The following SH3RF3 variants were observed in gnomAD, a reference collection of about 807,000 sequenced individuals.
SH3RF3 encodes SH3 domain containing ring finger 3, also known as E3 ubiquitin-protein ligase SH3RF3.
In SH3RF3, 29 loss-of-function variants were observed where a neutral mutation model predicts 66.3. The observed-to-expected ratio is 0.44, with a 90% CI of 0.33 to 0.60. The LOEUF (loss-of-function observed/expected upper bound fraction) is 0.60, where lower values mean the gene tolerates loss of function less well. Ranked by LOEUF, SH3RF3 falls within the 20% of genes least tolerant of loss-of-function variation. SH3RF3 has a pLI of 0.04. For synonymous variants in SH3RF3, 583 were observed against 532.0 expected, an observed-to-expected ratio of 1.10 and a Z score of -1.32; for missense variants, 1,194 against 1,190.9, an observed-to-expected ratio of 1.00 and a Z score of -0.04.
intron 1 of SH3RF3, among the ~76,000 whole-genome samples, chr2:109,254,534 T>C (rs2105270200): frequency 6.6e-6 from 1 of 152,308 alleles, no homozygotes; most frequent in East Asian, 1.9e-4. Flanking sequence ...TGTACCTGGG[T>C]CTGGCAATAC....
chr2:109,151,914 A>G (rs986182970), intron 1 of SH3RF3, among the ~76,000 whole-genome samples: 10 of 152,390 alleles, frequency 6.6e-5, no homozygotes, highest in Middle Eastern at 3.4e-3. Context: ...TTTTGGTTTG[A>G]AGTTAATATA....
At chr2:109,143,510 A>G (rs1181927118) in intron 1 of SH3RF3, among the ~76,000 whole-genome samples, 1 of 152,184 alleles carries the variant, frequency 6.6e-6, no homozygotes, top group Non-Finnish European at 1.5e-5. Context: ...TAGGAGGTCA[A>G]GACAGGAAGA....
chr2:109,475,337 C>T (rs534001128), intron 8 of SH3RF3, among the ~76,000 whole-genome samples: 3 of 152,350 alleles, frequency 2.0e-5, no homozygotes, highest in South Asian at 4.1e-4. Context: ...ATGGATTCTT[C>T]ATTTCTCCAC....
At chr2:109,215,238 G>A (rs990911506) in intron 1 of SH3RF3, among the ~76,000 whole-genome samples, 3 of 152,108 alleles carry the variant, frequency 2.0e-5, no homozygotes, top group Non-Finnish European at 2.9e-5. Flanking sequence ...CTAATGTCAC[G>A]GGCAGAGGAA....
intron 1 of SH3RF3, among the ~76,000 whole-genome samples, chr2:109,236,262 C>T (rs893182058): frequency 1.1e-4 from 17 of 152,190 alleles, no homozygotes; most frequent in Non-Finnish European, 5.9e-5. Flanking sequence ...TGACCAAATT[C>T]CCCTCGGTCC....
At chr2:109,431,530 C>T (rs2104566114) in intron 5 of SH3RF3, among the ~76,000 whole-genome samples, 1 of 152,294 alleles carries the variant, frequency 6.6e-6, no homozygotes, top group East Asian at 1.9e-4. Flanking sequence ...GTTAGAGGCA[C>T]AGCATCTAAA....
intron 3 of SH3RF3, among the ~76,000 whole-genome samples, chr2:109,382,550 A>G (rs976673554): frequency 2.0e-5 from 3 of 152,088 alleles, no homozygotes; most frequent in Non-Finnish European, 2.9e-5. Context: ...GGCCTCAGCA[A>G]TCTTAAAACA....
chr2:109,488,824 G>T (rs1323109034), intron 8 of SH3RF3, among the ~76,000 whole-genome samples: 2 of 152,242 alleles, frequency 1.3e-5, no homozygotes, highest in Non-Finnish European at 2.9e-5. Flanking sequence ...GCCTGGCACG[G>T]TGCACAAGAC....
At chr2:109,227,866 C>T (rs1679408414) in intron 1 of SH3RF3, among the ~76,000 whole-genome samples, 1 of 152,232 alleles carries the variant, frequency 6.6e-6, no homozygotes, top group Admixed American at 6.5e-5. Flanking sequence ...CTCCGCCTTT[C>T]ATCGGTTTGT....
intron 3 of SH3RF3, among the ~76,000 whole-genome samples, chr2:109,389,644 C>A (rs1007803011): frequency 1.3e-5 from 2 of 152,222 alleles, no homozygotes; most frequent in African/African-American, 2.4e-5. Context: ...CTCAAACTTA[C>A]TGAAATTTTA....
At chr2:109,344,834 C>T (rs1682648350) in intron 1 of SH3RF3, among the ~76,000 whole-genome samples, 1 of 152,160 alleles carries the variant, frequency 6.6e-6, no homozygotes, top group Admixed American at 6.5e-5. Context: ...GAGGGACAGA[C>T]AGCCTCTAGG....
intron 1 of SH3RF3, among the ~76,000 whole-genome samples, chr2:109,292,658 G>A (rs564590320): frequency 1.1e-3 from 167 of 152,164 alleles, no homozygotes; most frequent in Non-Finnish European, 2.0e-3. Flanking sequence ...GCCTAGAAAA[G>A]CGTCTTTTTG....
intron 1 of SH3RF3, among the ~76,000 whole-genome samples, chr2:109,340,454 C>T (rs1411878175): frequency 1.3e-5 from 2 of 152,142 alleles, no homozygotes; most frequent in Non-Finnish European, 1.5e-5. Context: ...CACCCAAGGA[C>T]CATGCATTGG....
chr2:109,262,655 T>C (rs1680384240), intron 1 of SH3RF3, among the ~76,000 whole-genome samples: 1 of 152,266 alleles, frequency 6.6e-6, no homozygotes, highest in African/African-American at 2.4e-5. Flanking sequence ...TTTGAATTTC[T>C]GGTTTACCCC....
rs1169454476 is a variant in SH3RF3, at chr2:109,480,327, G to A, written c.2149-10278G>A. Among the ~76,000 whole-genome samples, 6 of 152,272 alleles carry A rather than the reference G, an allele frequency of 3.9e-5. 1 individual carries two copies. The highest frequency in any genetic ancestry group is 7.2e-5 in the African/African-American group (3 of 41,574). ...GCCACCCTCTATGACAGGTGCTGTCGCTATCCCCAGTTTACAGATGGGAGA... is the reference window on the plus strand; with the variant it reads ...GCCACCCTCTATGACAGGTGCTGTCACTATCCCCAGTTTACAGATGGGAGA... On this transcript the variant is annotated intron_variant, in intron 8 of 9. Transcript: ENST00000309415.
rs1042677706 is a variant in SH3RF3 at position 109,129,482 on chromosome 2, G to C, written c.-59G>C. ...TCCTGATGCTGGCTGCCGGTGGCGGGCTCCACGCCGGCCCCGGGACCTAGG... is the reference window on the plus strand; with the variant it reads ...TCCTGATGCTGGCTGCCGGTGGCGGCCTCCACGCCGGCCCCGGGACCTAGG... On this transcript the variant is annotated 5_prime_UTR_variant, in exon 1 of 10. Coordinates refer to ENST00000309415, the MANE Select transcript of SH3RF3 (RefSeq NM_001099289.3). 6 of 1,494,152 alleles carry C rather than the reference G, an allele frequency of 4.0e-6. No homozygotes were observed. The African/African-American group carries it at 8.7e-5, about 22-fold the overall frequency. The allele number at this position is 1,494,152 out of a possible 1,614,324, so 92.6% of individuals were successfully genotyped here.
intron 1 of SH3RF3, among the ~76,000 whole-genome samples, chr2:109,306,721 C>T (rs185774970): frequency 6.6e-6 from 1 of 152,352 alleles, no homozygotes; most frequent in East Asian, 1.9e-4. Flanking sequence ...ATGGCAGAAT[C>T]ACATTTCCTG....
At position 109,398,707 on chromosome 2, in the gene SH3RF3, C is replaced by G; in HGVS notation, c.1063C>G (p.Pro355Ala). 6.2e-7 allele frequency: 1 copy of G among 1,612,580 alleles called. No homozygotes were observed. The highest frequency in any genetic ancestry group is 1.3e-5 in the African/African-American group (1 of 75,034). The change falls in exon 4 of 10, where the codon CCC becomes GCC. Residue 355 changes from proline (P) to alanine (A), a missense_variant. Physicochemically the swap from Pro to Ala is conservative, Grantham distance 27 (BLOSUM62 -1). Transcript: ENST00000309415. ...CGCTGTGGCCAGCGTGGCCCCAAGT[C>G]CCACTTTAAGCAGCTCAGGGGCGGT... ...SGAVASVAPS[P>A]TLSSSGAVSA...
chr2:109,333,600 A>G (rs1487527077), intron 1 of SH3RF3, among the ~76,000 whole-genome samples: 1 of 152,218 alleles, frequency 6.6e-6, no homozygotes, highest in Non-Finnish European at 1.5e-5. Flanking sequence ...ACAATGGCAG[A>G]GTTGAATAGT....
Sources: allele counts gnomAD v4.1 joint callset (sites outside exome capture counted in the v4.1 genomes callset), GRCh38; gene constraint gnomAD v4.1.1; transcripts MANE v1.5; gene names NCBI Gene and HGNC (gene_info 2026-07-23, HGNC 2026-07-21).